Variants in SYCE2 observed in about 807,000 individuals in gnomAD.
SYCE2 encodes central element synaptonemal complex 1.
SYCE2 carries 3 observed loss-of-function variants against 27.9 expected under a neutral mutation model. That is an observed-to-expected ratio of 0.11 (90% confidence interval 0.05 to 0.28). The LOEUF (loss-of-function observed/expected upper bound fraction) is 0.28, where lower values mean the gene tolerates loss of function less well. Among genes scored for constraint, SYCE2 ranks in the 10% least tolerant of loss-of-function variants. SYCE2 has a pLI of 1.00. For synonymous variants in SYCE2, 85 were observed against 100.7 expected, an observed-to-expected ratio of 0.84 and a Z score of 0.93; for missense variants, 207 against 263.5, an observed-to-expected ratio of 0.79 and a Z score of 1.48.
intron 2 of SYCE2, among the ~76,000 whole-genome samples, chr19:12,910,666 C>T (rs1971028428): frequency 6.6e-6 from 1 of 151,728 alleles, no homozygotes; most frequent in Non-Finnish European, 1.5e-5. Flanking sequence ...AGCCACCACG[C>T]CTGACCTTTT....
In SYCE2 at chr19:12,914,572, TCTCC is replaced by T. The variant is rs371612079; in HGVS notation, c.131+3646_131+3649del. Among the ~76,000 whole-genome samples, 677 of 147,154 alleles carry T rather than the reference TCTCC, an allele frequency of 4.6e-3. 8 individuals are homozygous for T. The highest frequency in any genetic ancestry group is 0.016 in the African/African-American group (631 of 40,102). ...ACTAGACCTCCCTACACCCACACAT[TCTCC>T]CTCCCAACCATTCTCTACAAAGCAG... On this transcript the variant is annotated intron_variant, in intron 2 of 5. Coordinates refer to ENST00000293695, the MANE Select transcript of SYCE2 (RefSeq NM_001105578.2).
chr19:12,905,869 G>A (rs1970924409), intron 2 of SYCE2, among the ~76,000 whole-genome samples: 1 of 152,072 alleles, frequency 6.6e-6, no homozygotes, highest in Non-Finnish European at 1.5e-5. Flanking sequence ...CAAACTTCTG[G>A]CCTCCCAAAA....
rs755779717 is a variant in SYCE2 at position 12,904,713 on chromosome 19, A to C, written c.132-47T>G. 5 of 1,606,456 alleles carry C rather than the reference A, an allele frequency of 3.1e-6. No individual in the cohort carries two copies. In the South Asian group the frequency reaches 4.4e-5, roughly 14 times the overall value. On this transcript the variant is annotated intron_variant, in intron 2 of 5. Coordinates refer to ENST00000293695, the MANE Select transcript of SYCE2 (RefSeq NM_001105578.2). ...CAAGAAACCTGACTTCTCAGAGTAC[A>C]GGAAGCGGCCAGGTGTAGTCGCTCA...
At position 12,919,287 on chromosome 19, in the gene SYCE2, C is replaced by A. The variant is rs368901256; in HGVS notation, c.-30G>T. On this transcript the variant is annotated 5_prime_UTR_variant, in exon 1 of 6. Coordinates refer to ENST00000293695, the MANE Select transcript of SYCE2 (RefSeq NM_001105578.2). ...TATTTTCCCGCCTTCAAGCTCGCACCCTCTGCGCATGCGCCGACCCCGCCC... is the reference window on the plus strand; with the variant it reads ...TATTTTCCCGCCTTCAAGCTCGCACACTCTGCGCATGCGCCGACCCCGCCC... The A allele has an allele frequency of 6.2e-7, 1 of 1,608,648 alleles. No individual in the cohort carries two copies. Among genetic ancestry groups the A allele is most frequent in the African/African-American group, 1.3e-5 (1 of 75,082 alleles).
chr19:12,899,404 T>C lies in SYCE2; in HGVS notation c.613-19A>G. The C allele has an allele frequency of 6.2e-7, 1 of 1,614,074 alleles. No individual in the cohort carries two copies. The highest frequency in any genetic ancestry group is 8.5e-7 in the Non-Finnish European group (1 of 1,179,994). On this transcript the variant is annotated intron_variant, in intron 5 of 5. Transcript: ENST00000293695. ...CAGTGGCCTGGGGATACATGAAAATTGATTTTAAAGGGAAGTTGTGAGCTA... is the reference window on the plus strand; with the variant it reads ...CAGTGGCCTGGGGATACATGAAAATCGATTTTAAAGGGAAGTTGTGAGCTA...
chr19:12,901,576 C>G (rs551640537), intron 3 of SYCE2, among the ~76,000 whole-genome samples: 8 of 152,180 alleles, frequency 5.3e-5, no homozygotes, highest in South Asian at 2.1e-4. Flanking sequence ...AGTGCAGTGA[C>G]TGGGGGTCAG....
At chr19:12,913,005 A>T (rs1165298642) in intron 2 of SYCE2, among the ~76,000 whole-genome samples, 1 of 152,182 alleles carries the variant, frequency 6.6e-6, no homozygotes, top group Non-Finnish European at 1.5e-5. Context: ...TTAACAAACA[A>T]AATGCGTGGT....
chr19:12,900,401 G>C, intron 4 of SYCE2, 59 bp downstream of exon 4: 1 of 1,560,490 alleles, frequency 6.4e-7, no homozygotes, highest in Non-Finnish European at 8.7e-7. Context: ...ATTTACTCTT[G>C]GCTGGGCCAT....
At position 12,919,254 on chromosome 19, in the gene SYCE2, C is replaced by G; in HGVS notation, c.4G>C (p.Glu2Gln). 4 of 1,611,254 alleles carry G rather than the reference C, an allele frequency of 2.5e-6. No homozygotes were observed. The highest frequency in any genetic ancestry group is 3.4e-6 in the Non-Finnish European group (4 of 1,179,990). MERQGVDVPHVK... is the reference protein window; with the variant it reads MQRQGVDVPHVK... Reference sequence around the variant, plus strand: ...CAAGCGCCGCGTACTCCCTGTCGCTCCATTCCGTATTTTCCCGCCTTCAAG... The same window carrying G: ...CAAGCGCCGCGTACTCCCTGTCGCTGCATTCCGTATTTTCCCGCCTTCAAG... Residue 2 changes from glutamate to glutamine, a missense_variant, in exon 1 of 6, where the codon GAG (glutamate) becomes CAG (glutamine). By Grantham distance (29) the Glu-to-Gln change is conservative (BLOSUM62 2). Coordinates refer to ENST00000293695, the MANE Select transcript of SYCE2 (RefSeq NM_001105578.2).
At chr19:12,917,929 G>T (rs1254431664) in intron 2 of SYCE2, among the ~76,000 whole-genome samples, 1 of 152,088 alleles carries the variant, frequency 6.6e-6, no homozygotes, top group Non-Finnish European at 1.5e-5. Flanking sequence ...AAAGTGTTGG[G>T]ATTACAGGTG....
chr19:12,916,541 T>C (rs1971143019), intron 2 of SYCE2, among the ~76,000 whole-genome samples: 1 of 152,212 alleles, frequency 6.6e-6, no homozygotes, highest in East Asian at 1.9e-4. Flanking sequence ...TCCCTGTCAC[T>C]CTACTTGCTC....
intron 2 of SYCE2, among the ~76,000 whole-genome samples, chr19:12,905,035 G>A (rs1441797652): frequency 6.6e-6 from 1 of 151,700 alleles, no homozygotes; most frequent in East Asian, 1.9e-4. Context: ...GCTGAGATCA[G>A]CACCAGACTC....
chr19:12,916,414 C>T (rs994700312), intron 2 of SYCE2, among the ~76,000 whole-genome samples: 8 of 150,260 alleles, frequency 5.3e-5, no homozygotes, highest in Admixed American at 5.3e-4. Context: ...CAAGCTTATT[C>T]CTACCTGAGG....
At chr19:12,910,351 T>C (rs1450474608) in intron 2 of SYCE2, among the ~76,000 whole-genome samples, 1 of 152,098 alleles carries the variant, frequency 6.6e-6, no homozygotes, top group African/African-American at 2.4e-5. Context: ...ATTTTGTTAT[T>C]ATTATTTTGT....
intron 2 of SYCE2, among the ~76,000 whole-genome samples, chr19:12,909,249 A>T (rs1971000335): frequency 6.6e-6 from 1 of 151,950 alleles, no homozygotes; most frequent in Non-Finnish European, 1.5e-5. Context: ...TACCATCCAC[A>T]CTTTGGATTC....
chr19:12,909,397 C>G (rs1352889040), intron 2 of SYCE2, among the ~76,000 whole-genome samples: 1 of 152,074 alleles, frequency 6.6e-6, no homozygotes, highest in African/African-American at 2.4e-5. Context: ...GCGTCATCTC[C>G]CAGGCAACCC....
intron 1 of SYCE2, 59 bp from the exon 2 acceptor site, chr19:12,918,396 C>A: frequency 1.3e-6 from 2 of 1,501,448 alleles, no homozygotes; most frequent in South Asian, 1.1e-5. Flanking sequence ...ACAGATCGCC[C>A]TCCTGCCGAC....
intron 2 of SYCE2, among the ~76,000 whole-genome samples, chr19:12,911,067 G>C (rs915085135): frequency 2.6e-5 from 4 of 151,996 alleles, no homozygotes; most frequent in African/African-American, 7.3e-5. Context: ...ACTCCCCCAG[G>C]CTCAAGTGAT....
intron 2 of SYCE2, among the ~76,000 whole-genome samples, chr19:12,906,786 T>C (rs1173291118): frequency 1.3e-5 from 2 of 151,990 alleles, no homozygotes; most frequent in African/African-American, 2.4e-5. Context: ...CAGGCGCCTG[T>C]AATCCCAGCT....
Sources: allele counts gnomAD v4.1 joint callset (sites outside exome capture counted in the v4.1 genomes callset), GRCh38; gene constraint gnomAD v4.1.1; transcripts MANE v1.5; gene names NCBI Gene and HGNC (gene_info 2026-07-23, HGNC 2026-07-21).